HP1BP3: variants seen among roughly 807,000 people sequenced by gnomAD.
HP1BP3 encodes the protein heterochromatin protein 1-binding protein 3.
Under a neutral mutation model 62.5 loss-of-function variants are expected in HP1BP3, and 12 were observed. The ratio of observed to expected loss-of-function variants is 0.19; its 90% CI spans 0.12 to 0.31. The LOEUF (loss-of-function observed/expected upper bound fraction) is 0.31, where lower values mean the gene tolerates loss of function less well. Among genes scored for constraint, HP1BP3 ranks in the 10% least tolerant of loss-of-function variants. HP1BP3 has a pLI of 1.00. For missense variants in HP1BP3, 502 were observed against 651.8 expected, an observed-to-expected ratio of 0.77 and a Z score of 2.50; for synonymous variants, 260 against 237.8, an observed-to-expected ratio of 1.09 and a Z score of -0.86.
chr1:20,749,673 C>G, intron 10 of HP1BP3, 50 bp downstream of exon 10: 1 of 1,548,462 alleles, frequency 6.5e-7, no homozygotes, highest in Non-Finnish European at 8.7e-7. Context: ...ACGGTTTTTT[C>G]AAAAGAAAAT....
chr1:20,749,206 A>G (rs1285995506), intron 10 of HP1BP3, among the ~76,000 whole-genome samples: 1 of 152,178 alleles, frequency 6.6e-6, no homozygotes, highest in Non-Finnish European at 1.5e-5. Flanking sequence ...AACTTCTTAT[A>G]AGCAGATGCT....
At chr1:20,768,743 G>C (rs558930061) in intron 6 of HP1BP3, among the ~76,000 whole-genome samples, 1 of 152,224 alleles carries the variant, frequency 6.6e-6, no homozygotes, top group Admixed American at 6.5e-5. Context: ...AGGAGACTAA[G>C]GCAGGAGAAT....
chr1:20,769,691 T>C (rs2056965479), intron 6 of HP1BP3, among the ~76,000 whole-genome samples: 1 of 152,218 alleles, frequency 6.6e-6, no homozygotes, highest in Admixed American at 6.5e-5. Flanking sequence ...TATGAGCCAC[T>C]GTGCCTGGCC....
chr1:20,765,315 A>G lies in HP1BP3; in HGVS notation c.890+62T>C, dbSNP rs2056726703. ...CAGTATTTAATCTATCTCTTTTCCC[A>G]TGAAAAGGGAGCTAAAGGAAGTAAC... On this transcript the variant is annotated intron_variant, in intron 8 of 12. Coordinates refer to ENST00000438032, the MANE Select transcript of HP1BP3 (RefSeq NM_001372052.1). 18 of 1,116,692 alleles carry G rather than the reference A, an allele frequency of 1.6e-5. No individual in the cohort carries two copies. In the South Asian group the frequency reaches 2.6e-4, roughly 16 times the overall value. 69.2% of individuals were successfully genotyped at this position (1,116,692 alleles called of 1,614,324 possible). A position where few individuals can be genotyped will look rare whatever the true frequency, so the allele number is the denominator to read the frequency against.
intron 4 of HP1BP3, chr1:20,775,889 A>T (rs886634217): frequency 1.2e-5 from 17 of 1,404,012 alleles, no homozygotes; most frequent in Non-Finnish European, 1.5e-5. Flanking sequence ...AAATCGCCTA[A>T]AGATGTATCT....
At chr1:20,773,258 T>TA (rs1557666133) in intron 5 of HP1BP3, among the ~76,000 whole-genome samples, 193 bp downstream of exon 5, 1 of 151,794 alleles carries the variant, frequency 6.6e-6, no homozygotes, top group Non-Finnish European at 1.5e-5. Flanking sequence ...ATAATTTTTT[T>TA]AAAAAAATTA....
rs2055134827 is a variant in HP1BP3 at position 20,743,193 on chromosome 1, GGAAA to G, written c.*1600_*1603del. 2 of 148,388 alleles carry G rather than the reference GGAAA, an allele frequency of 1.3e-5. No homozygotes were observed. Among genetic ancestry groups the G allele is most frequent in the Non-Finnish European group, 3.0e-5 (2 of 67,088 alleles). 9.2% of individuals were successfully genotyped at this position (148,388 alleles called of 1,614,324 possible). A position where few individuals can be genotyped will look rare whatever the true frequency, so the allele number is the denominator to read the frequency against. ...AAAAGTGCTGTGGAAAGAAAGGAGG[GGAAA>G]AAAACCCACAAATAAATGTAGAATC... is the stretch of plus-strand genomic sequence containing the variant. On this transcript the variant is annotated 3_prime_UTR_variant, in exon 13 of 13. Transcript: ENST00000438032.
At chr1:20,776,033 A>G in intron 4 of HP1BP3, 1 of 1,480,764 alleles carries the variant, frequency 6.8e-7, no homozygotes, top group Non-Finnish European at 9.0e-7. Flanking sequence ...AAAAAATTAA[A>G]AATTAAAAAG....
intron 1 of HP1BP3, among the ~76,000 whole-genome samples, chr1:20,784,007 G>A (rs1403301811): frequency 8.0e-6 from 1 of 124,506 alleles, no homozygotes; most frequent in Non-Finnish European, 1.8e-5. Flanking sequence ...TTAAGACACG[G>A]TCTCACTCTG....
chr1:20,755,096 G>C (rs2154539965), intron 9 of HP1BP3, among the ~76,000 whole-genome samples: 1 of 152,218 alleles, frequency 6.6e-6, no homozygotes, highest in Admixed American at 6.5e-5. Context: ...TTAAAAATGG[G>C]CAAAAGATTT....
intron 8 of HP1BP3, among the ~76,000 whole-genome samples, chr1:20,762,640 T>C (rs611658): frequency 1.3e-5 from 2 of 151,808 alleles, no homozygotes; most frequent in Admixed American, 1.3e-4. Flanking sequence ...AACTCAAAAA[T>C]AATGAAATTC....
At chr1:20,759,723 G>A (rs1454045892) in intron 8 of HP1BP3, among the ~76,000 whole-genome samples, 2 of 152,080 alleles carry the variant, frequency 1.3e-5, no homozygotes, top group Non-Finnish European at 2.9e-5. Flanking sequence ...AAAACTTAAG[G>A]AAGTAAAGGA....
chr1:20,761,177 TG>T (rs1396383641), intron 8 of HP1BP3, among the ~76,000 whole-genome samples: 1 of 152,110 alleles, frequency 6.6e-6, no homozygotes, highest in Admixed American at 6.6e-5. Context: ...CTTGAGTAGC[TG>T]GAACTACAGG....
In HP1BP3 at chr1:20,740,621, G is replaced by A. The variant is rs891366972; in HGVS notation, c.*4176C>T. ...AGATCACGTGAGGCCACGAGTTCAA[G>A]ACCAGCCTGGGCAACACAGTGAGGC... On this transcript the variant is annotated 3_prime_UTR_variant, in exon 13 of 13. Transcript: ENST00000438032. Among the ~76,000 whole-genome samples the A allele has an allele frequency of 6.6e-6, 1 of 152,154 alleles. No homozygotes were observed.
intron 8 of HP1BP3, among the ~76,000 whole-genome samples, chr1:20,760,478 T>A (rs1360325789): frequency 6.6e-6 from 1 of 151,918 alleles, no homozygotes; most frequent in East Asian, 1.9e-4. Context: ...GAGTTCGAGG[T>A]TGCCATGAGC....
intron 10 of HP1BP3, 53 bp from the exon 11 acceptor site, chr1:20,747,708 T>C: frequency 1.8e-6 from 2 of 1,094,980 alleles, no homozygotes; most frequent in Non-Finnish European, 2.8e-6. Context: ...GATTAGATAA[T>C]TCCCTCAACC....
rs767100057 is a variant in HP1BP3, at chr1:20,771,047, T to G, written c.537A>C (p.Ser179=). ...TGATGTATTTTCGAATAGCAACCAC[T>G]GATGCACCACTCTTCTGGAAGCATG... is the stretch of plus-strand genomic sequence containing the variant. ...IKACFQKSGA[S]VVAIRKYIIH... is the part of the protein sequence containing the mutation. Residue 179 remains serine, a synonymous_variant, in exon 6 of 13, where the codon TCA becomes TCC. Transcript: ENST00000438032. The G allele has an allele frequency of 6.2e-7, 1 of 1,608,672 alleles. No individual in the cohort carries two copies. The highest frequency in any genetic ancestry group is 8.5e-7 in the Non-Finnish European group (1 of 1,178,270).
chr1:20,759,251 T>G (rs2056317723), intron 8 of HP1BP3, among the ~76,000 whole-genome samples: 1 of 152,066 alleles, frequency 6.6e-6, no homozygotes, highest in South Asian at 2.1e-4. Flanking sequence ...AAATACAAAA[T>G]TAGTCAGGTG....
intron 1 of HP1BP3, among the ~76,000 whole-genome samples, 179 bp downstream of exon 1, chr1:20,787,016 A>G (rs2057874340): frequency 6.6e-6 from 1 of 151,588 alleles, no homozygotes; most frequent in Non-Finnish European, 1.5e-5. Context: ...AGAGGAAGGG[A>G]GCGGGGCGGA....
Sources: gnomAD v4.1 joint callset for allele counts (sites outside exome capture counted in the v4.1 genomes callset) on GRCh38, gnomAD v4.1.1 for gene constraint, MANE v1.5 for transcripts, NCBI Gene and HGNC (gene_info 2026-07-23, HGNC 2026-07-21) for gene names.